Variants in NOC2L observed in about 807,000 individuals in gnomAD.
NOC2L encodes the protein NOC2 like nucleolar associated transcriptional repressor.
NOC2L carries 101 observed loss-of-function variants against 94.2 expected under a neutral mutation model. The ratio of observed to expected loss-of-function variants is 1.07; its 90% confidence interval spans 0.91 to 1.26. NOC2L has a LOEUF of 1.26. Among genes scored for constraint, NOC2L ranks in the 50% most tolerant of loss-of-function variants. The pLI, the probability that NOC2L is intolerant of heterozygous loss-of-function variation, is 0.00. For missense variants in NOC2L, 1,076 were observed against 980.1 expected (o/e 1.10, Z -1.31); for synonymous variants, 531 against 413.4 (o/e 1.28, Z -3.45).
At chr1:945,840 T>C (rs1642092053) in intron 16 of NOC2L, among the ~76,000 whole-genome samples, 187 bp from the exon 17 acceptor site, 1 of 152,216 alleles carries the variant, frequency 6.6e-6, no homozygotes, top group South Asian at 2.1e-4. Flanking sequence ...GCAGAGCCCT[T>C]CCTGCTTCTC....
At position 953,550 on chromosome 1, in the gene NOC2L, C is replaced by T. The variant is rs552459172; in HGVS notation, c.888+232G>A. On this transcript the variant is annotated intron_variant, in intron 8 of 18. Transcript: ENST00000327044. Reference sequence around the variant, plus strand: ...AGATCACACCGGGAAGAAGATACCTCACCGTGGCTTTGCTCACGGACTGAG... The same window carrying T: ...AGATCACACCGGGAAGAAGATACCTTACCGTGGCTTTGCTCACGGACTGAG... Among the ~76,000 whole-genome samples the T allele has an allele frequency of 9.8e-5, 15 of 152,396 alleles. 1 individual carries two copies. In the South Asian group the frequency reaches 3.1e-3, roughly 32 times the overall value.
At chr1:952,211 G>T in intron 10 of NOC2L, 72 bp from the exon 11 acceptor site, 1 of 1,561,878 alleles carries the variant, frequency 6.4e-7, no homozygotes, top group Non-Finnish European at 8.8e-7. Flanking sequence ...CTCCTGGGCC[G>T]GCACAGGAAT....
intron 12 of NOC2L, among the ~76,000 whole-genome samples, chr1:950,643 AC>A (rs1406418505): frequency 1.4e-5 from 2 of 146,096 alleles, no homozygotes; most frequent in Admixed American, 1.4e-4. Context: ...ATACAGATGC[AC>A]ACATGAACTG....
chr1:951,260 G>C (rs377372475), intron 11 of NOC2L, 22 bp from the exon 12 acceptor site: 26 of 1,535,588 alleles, frequency 1.7e-5, no homozygotes, highest in Non-Finnish European at 2.2e-5. Context: ...AAGGCCGAGT[G>C]AGCAGAGGCC....
chr1:951,258 G>C lies in NOC2L; in HGVS notation c.1332-20C>G, dbSNP rs546937367. ...ATGAGCCTGGGGGTGGGAAGGCCGA[G>C]TGAGCAGAGGCCCCGGCTCTGGCAG... is the stretch of plus-strand genomic sequence containing the variant. On this transcript the variant is annotated intron_variant, in intron 11 of 18. Transcript: ENST00000327044. 7.2e-6 allele frequency: 11 copies of C among 1,537,628 alleles called. No individual in the cohort carries two copies. The highest frequency in any genetic ancestry group is 8.8e-6 in the Non-Finnish European group (10 of 1,132,084).
chr1:945,734 C>G lies in NOC2L; in HGVS notation c.1918-81G>C, dbSNP rs1642088401. ...CAGCAGGGCCAGGCATCGCCAGACCCACCACCAGGGCCCCATGTGGCCAAT... is the reference window on the plus strand; with the variant it reads ...CAGCAGGGCCAGGCATCGCCAGACCGACCACCAGGGCCCCATGTGGCCAAT... On this transcript the variant is annotated intron_variant, in intron 16 of 18. Transcript: ENST00000327044. 2.5e-6 allele frequency: 4 copies of G among 1,581,660 alleles called. No homozygotes were observed. The East Asian group carries it at 8.9e-5, about 35-fold the overall frequency.
In NOC2L at chr1:946,534, G is replaced by T. The variant is rs765132800; in HGVS notation, c.1671C>A (p.Phe557Leu). 4.3e-6 allele frequency: 7 copies of T among 1,612,244 alleles called. No individual in the cohort carries two copies. Among genetic ancestry groups the T allele is most frequent in the Non-Finnish European group, 5.9e-6 (7 of 1,179,232 alleles). ...VLPVVLQLKS[F>L]LRECKVANYC... ...AGTTGGCCACCTTGCACTCCCGGAG[G>T]AACGACTTCAGCTGCGGAAGGGAGG... The change falls in exon 15 of 19, where the codon TTC becomes TTA. Residue 557 changes from phenylalanine to leucine, a missense_variant. Transcript: ENST00000327044.
Position 958,964 on chromosome 1 carries a change from C to G in NOC2L, c.144G>C (p.Arg48=). The G allele has an allele frequency of 1.2e-6, 2 of 1,612,782 alleles. No homozygotes were observed. Among genetic ancestry groups the G allele is most frequent in the Non-Finnish European group, 1.7e-6 (2 of 1,179,976 alleles). Residue 48 remains arginine, a synonymous_variant, in exon 2 of 19, where the codon CGG becomes CGC. Transcript: ENST00000327044. ...AETREAREAA[R]SPDKPGGSPS... ...GGCTCCCGCCCGGCTTATCCGGACT[C>G]CGGGCAGCCTCGCGTGCTTCCCGTG...
Position 956,920 on chromosome 1 carries a change from C to A in NOC2L, c.460G>T (p.Val154Phe). The A allele has an allele frequency of 6.2e-7, 1 of 1,614,072 alleles. No homozygotes were observed. The highest frequency in any genetic ancestry group is 8.5e-7 in the Non-Finnish European group (1 of 1,180,040). ...KNSVPVTVAM[V>F]ERWKQAAKQR... ...TTTGCTGCCTGCTTCCATCTCTCAA[C>A]CATGGCGACGGTCACAGGAACAGAA... is the stretch of plus-strand genomic sequence containing the variant. The change falls in exon 4 of 19, where the codon GTT becomes TTT. Residue 154 changes from valine to phenylalanine, a missense_variant. By Grantham distance (50) the Val-to-Phe change is conservative. Around this residue, in one of 3 missense-constraint regions of NOC2L, gnomAD observed 457 missense variants for 386.0 expected, o/e 1.18. Transcript: ENST00000327044.
At chr1:953,131 C>G in intron 9 of NOC2L, 44 bp downstream of exon 9, 1 of 1,440,558 alleles carries the variant, frequency 6.9e-7, no homozygotes, top group South Asian at 1.1e-5. Context: ...GCCGAGATTT[C>G]CAATGCAGAT....
At chr1:957,389 G>C (rs553796925) in intron 2 of NOC2L, 116 bp from the exon 3 acceptor site, 4 of 1,030,676 alleles carry the variant, frequency 3.9e-6, no homozygotes, top group Non-Finnish European at 5.6e-6. Flanking sequence ...AGACAGGATT[G>C]CCAGGAGGTA....
At position 945,641 on chromosome 1, in the gene NOC2L, T is replaced by G; in HGVS notation, c.1930A>C (p.Asn644His). The G allele has an allele frequency of 6.2e-7, 1 of 1,614,166 alleles. No individual in the cohort carries two copies. Reference sequence around the variant, plus strand: ...TTCCTTCGTTTGATCTCAGGGAAGTTCAGGTCTTCCAGCTGGAAGGCCAAA... The same window carrying G: ...TTCCTTCGTTTGATCTCAGGGAAGTGCAGGTCTTCCAGCTGGAAGGCCAAA... ...ISGKERLEDL[N>H]FPEIKRRKMA... is the part of the protein sequence containing the mutation. Residue 644 changes from asparagine to histidine, a missense_variant, in exon 17 of 19, where the codon AAC becomes CAC. Asn to His is a moderately conservative substitution (Grantham distance 68). Coordinates refer to ENST00000327044, the MANE Select transcript of NOC2L (RefSeq NM_015658.4).
At position 950,304 on chromosome 1, in the gene NOC2L, T is replaced by C. The variant is rs186359854; in HGVS notation, c.1443+823A>G. ...ATGCACATAGGTGCACACAGGTACA[T>C]AGATGCACGCAGACACACATGCATG... is the stretch of plus-strand genomic sequence containing the variant. On this transcript the variant is annotated intron_variant, in intron 12 of 18. Coordinates refer to ENST00000327044, the MANE Select transcript of NOC2L (RefSeq NM_015658.4). 7.3e-5 allele frequency among the ~76,000 whole-genome samples: 11 copies of C among 150,904 alleles called. No individual in the cohort carries two copies. In the East Asian group the frequency reaches 1.6e-3, roughly 22 times the overall value.
chr1:947,265 G>A (rs969179398), intron 14 of NOC2L, among the ~76,000 whole-genome samples: 1 of 152,192 alleles, frequency 6.6e-6, no homozygotes, highest in African/African-American at 2.4e-5. Context: ...CCCAATGCCA[G>A]GTATCACCAC....
intron 12 of NOC2L, among the ~76,000 whole-genome samples, chr1:948,914 C>A (rs1354787812): frequency 6.6e-6 from 1 of 152,118 alleles, no homozygotes; most frequent in Non-Finnish European, 1.5e-5. Context: ...GTCTGGAGAC[C>A]TAGAGGTCCC....
At chr1:951,882 C>G in intron 11 of NOC2L, 118 bp downstream of exon 11, 1 of 1,153,346 alleles carries the variant, frequency 8.7e-7, no homozygotes, top group South Asian at 1.6e-5. Context: ...TCCTCAGGGA[C>G]GGCCAGGACA....
Position 951,217 on chromosome 1 carries a change from G to A in NOC2L, c.1353C>T (p.Phe451=), listed in dbSNP as rs1197712021. 3.1e-6 allele frequency: 5 copies of A among 1,589,740 alleles called. No homozygotes were observed. Among genetic ancestry groups the A allele is most frequent in the Non-Finnish European group, 4.3e-6 (5 of 1,168,362 alleles). Residue 451 remains phenylalanine, a synonymous_variant, in exon 12 of 19, where the codon TTC becomes TTT. Transcript: ENST00000327044. ...GGATGCAGTGCATTCGCAGCGGGTA[G>A]AAGCGGGCAGTGGGGATGAGCCTGG... ...GCIKLIPTAR[F]YPLRMHCIRA...
At chr1:957,427 C>T (rs1642441752) in intron 2 of NOC2L, 154 bp from the exon 3 acceptor site, 1 of 671,426 alleles carries the variant, frequency 1.5e-6, no homozygotes, top group Non-Finnish European at 2.5e-6. Flanking sequence ...CGTCTCCTAC[C>T]CAACAACCTC....
rs1455003580 is a variant in NOC2L at position 952,520 on chromosome 1, G to T, written c.1083C>A (p.Thr361=). ...GCTCCAGGGCCAGCAGCTCCGTCAA[G>T]GTCCACTGCATGAAACTGATGAAGG... The part of the protein sequence containing the change: ...ALPFISFMQW[T]LTELLALEPG... Residue 361 remains threonine, a synonymous_variant, in exon 10 of 19, where the codon ACC becomes ACA. Coordinates refer to ENST00000327044, the MANE Select transcript of NOC2L (RefSeq NM_015658.4). 4 of 1,613,826 alleles carry T rather than the reference G, an allele frequency of 2.5e-6. No individual in the cohort carries two copies. In the Admixed American group the frequency reaches 5.0e-5, roughly 20 times the overall value.
Sources: gnomAD v4.1 joint callset for allele counts (sites outside exome capture counted in the v4.1 genomes callset) on GRCh38, gnomAD v4.1.1 for gene constraint, gnomAD v4.1.1 regional missense constraint, MANE v1.5 for transcripts, NCBI Gene and HGNC (gene_info 2026-07-23, HGNC 2026-07-21) for gene names.